The following TRAP1 variants were observed in gnomAD, a reference collection of about 807,000 sequenced individuals.
TRAP1 encodes the protein heat shock protein 75 kDa, mitochondrial.
TRAP1 carries 102 observed loss-of-function variants against 89.1 expected under a neutral mutation model. The observed-to-expected ratio is 1.15, with a 90% CI of 0.98 to 1.35. The LOEUF is 1.35. Ranked by LOEUF, TRAP1 falls within the 40% of genes most tolerant of loss-of-function variation. The pLI, the probability that TRAP1 is intolerant of heterozygous loss-of-function variation, is 0.00. For missense variants in TRAP1, 1,256 were observed against 945.3 expected (o/e 1.33, Z -4.31); for synonymous variants, 508 against 388.0 (o/e 1.31, Z -3.64).
intron 3 of TRAP1, among the ~76,000 whole-genome samples, chr16:3,688,106 A>C (rs1015486754): frequency 6.6e-6 from 1 of 152,080 alleles, no homozygotes; most frequent in African/African-American, 2.4e-5. Flanking sequence ...AATAATCAGC[A>C]TGTCAACGAT....
chr16:3,677,688 G>A (rs777738373), intron 5 of TRAP1, 30 bp from the exon 6 acceptor site: 2 of 1,605,198 alleles, frequency 1.2e-6, no homozygotes, highest in South Asian at 2.2e-5. Context: ...TAGTGAGGCA[G>A]CCTCCCCTCC....
At chr16:3,663,375 T>G (rs1225755297) in intron 14 of TRAP1, 49 bp downstream of exon 14, 1 of 1,610,922 alleles carries the variant, frequency 6.2e-7, no homozygotes, top group Non-Finnish European at 8.5e-7. Context: ...AGGAGAGGCG[T>G]GCGGGGAGTG....
rs767156372 is a variant in TRAP1 at position 3,674,399 on chromosome 16, G to A, written c.984C>T (p.Thr328=). 19 of 1,614,008 alleles carry A rather than the reference G, an allele frequency of 1.2e-5. No individual in the cohort carries two copies. In the South Asian group the frequency reaches 2.0e-4, roughly 17 times the overall value. ...VAQAHDKPRY[T]LHYKTDAPLN... is the part of the protein sequence containing the mutation. ...GCGGTGCGTCCGTCTTATAGTGCAG[G>A]GTGTAGCGGGGCTTGTCGTGAGCCT... is the stretch of plus-strand genomic sequence containing the variant. Residue 328 remains threonine, a synonymous_variant, in exon 9 of 18, where the codon ACC becomes ACT. Coordinates refer to ENST00000246957, the MANE Select transcript of TRAP1 (RefSeq NM_016292.3).
intron 11 of TRAP1, among the ~76,000 whole-genome samples, chr16:3,667,065 G>A (rs1370486840): frequency 6.6e-6 from 1 of 152,172 alleles, no homozygotes. Context: ...GACAGGACAT[G>A]CCTTCGTGCC....
chr16:3,691,687 G>T (rs1002660840), intron 1 of TRAP1, among the ~76,000 whole-genome samples: 3 of 151,936 alleles, frequency 2.0e-5, no homozygotes, highest in African/African-American at 4.8e-5. Context: ...CCTCCCAAAA[G>T]GGATCCAAAT....
chr16:3,710,877 A>ATTTTTTT lies in TRAP1; in HGVS notation c.88+6543_88+6544insAAAAAAA, dbSNP rs1461150566. 3.3e-3 allele frequency among the ~76,000 whole-genome samples: 311 copies of ATTTTTTT among 93,562 alleles called. 2 individuals are homozygous for ATTTTTTT. Among genetic ancestry groups the ATTTTTTT allele is most frequent in the African/African-American group, 0.013 (289 of 22,200 alleles). 61.4% of individuals were successfully genotyped at this position (93,562 alleles called of 152,430 possible). On this transcript the variant is annotated intron_variant, in intron 1 of 17. Coordinates refer to ENST00000246957, the MANE Select transcript of TRAP1 (RefSeq NM_016292.3). Reference sequence around the variant, plus strand: ...TGTGTGTATATATATATATATATATATATTTTTTTTTTTGAGACACTGTCA... The same window carrying ATTTTTTT: ...TGTGTGTATATATATATATATATATATTTTTTTTATTTTTTTTTTTGAGACACTGTCA...
At chr16:3,691,166 GC>G (rs1200505778) in intron 1 of TRAP1, 181 bp from the exon 2 acceptor site, 6 of 495,388 alleles carry the variant, frequency 1.2e-5, no homozygotes, top group Non-Finnish European at 2.0e-5. Flanking sequence ...TTGGCAAGGA[GC>G]CCTCACAGAT....
At chr16:3,679,416 G>C (rs574209089) in intron 5 of TRAP1, among the ~76,000 whole-genome samples, 14 of 152,250 alleles carry the variant, frequency 9.2e-5, no homozygotes, top group African/African-American at 3.1e-4. Context: ...AACTAACCTA[G>C]AGACCATCTA....
At chr16:3,699,130 A>AC (rs2051330709) in intron 1 of TRAP1, among the ~76,000 whole-genome samples, 2 of 149,796 alleles carry the variant, frequency 1.3e-5, no homozygotes, top group Non-Finnish European at 1.5e-5. Flanking sequence ...CTCCCCTTCC[A>AC]CCCCCCACAT....
chr16:3,710,885 T>A (rs1430571186), intron 1 of TRAP1, among the ~76,000 whole-genome samples: 7 of 142,842 alleles, frequency 4.9e-5, no homozygotes, highest in Non-Finnish European at 1.1e-4. Context: ...ATATATTTTT[T>A]TTTTTGAGAC....
At chr16:3,673,337 C>T (rs2050941269) in intron 9 of TRAP1, among the ~76,000 whole-genome samples, 1 of 152,250 alleles carries the variant, frequency 6.6e-6, no homozygotes, top group South Asian at 2.1e-4. Context: ...GCTGCTTCCT[C>T]ACCCGGCAGG....
At chr16:3,697,317 TCTA>T (rs558912735) in intron 1 of TRAP1, among the ~76,000 whole-genome samples, 316 of 152,286 alleles carry the variant, frequency 2.1e-3, no homozygotes, top group African/African-American at 6.3e-3. Context: ...TGATAATTTT[TCTA>T]CTACATTTTA....
intron 1 of TRAP1, among the ~76,000 whole-genome samples, chr16:3,702,090 C>T (rs1369830566): frequency 6.6e-6 from 1 of 152,022 alleles, no homozygotes; most frequent in African/African-American, 2.4e-5. Context: ...CACCTGTAAT[C>T]CCAGCCTGGG....
chr16:3,685,898 G>T, intron 4 of TRAP1, 98 bp downstream of exon 4: 2 of 1,401,540 alleles, frequency 1.4e-6, no homozygotes, highest in Non-Finnish European at 2.0e-6. Flanking sequence ...GGTACGGACG[G>T]CCAGTACGTC....
At chr16:3,706,969 C>G (rs925743666) in intron 1 of TRAP1, among the ~76,000 whole-genome samples, 1 of 152,166 alleles carries the variant, frequency 6.6e-6, no homozygotes, top group South Asian at 2.1e-4. Context: ...AGAGGTCGCA[C>G]CGTTTTACAT....
intron 1 of TRAP1, among the ~76,000 whole-genome samples, chr16:3,695,527 C>G (rs966668368): frequency 7.1e-6 from 1 of 140,934 alleles, no homozygotes; most frequent in South Asian, 2.2e-4. Flanking sequence ...CAGAGTGAGA[C>G]TCTGTCTCGA....
intron 1 of TRAP1, among the ~76,000 whole-genome samples, chr16:3,703,043 G>C (rs1442361696): frequency 2.3e-5 from 1 of 43,500 alleles, no homozygotes; most frequent in Non-Finnish European, 4.3e-5. Flanking sequence ...ACTCCGTCTT[G>C]AAAAAAAAAA....
chr16:3,703,050 A>G (rs1172497885), intron 1 of TRAP1, among the ~76,000 whole-genome samples: 5 of 147,416 alleles, frequency 3.4e-5, no homozygotes, highest in South Asian at 2.1e-4. Flanking sequence ...CTTGAAAAAA[A>G]AAAAAAAAAA....
chr16:3,673,415 G>A (rs1263078204), intron 9 of TRAP1, among the ~76,000 whole-genome samples: 1 of 152,158 alleles, frequency 6.6e-6, no homozygotes, highest in East Asian at 1.9e-4. Flanking sequence ...CTCGTGGAAC[G>A]TGCCTGCCAA....
Sources: allele counts gnomAD v4.1 joint callset (sites outside exome capture counted in the v4.1 genomes callset), GRCh38; gene constraint gnomAD v4.1.1; transcripts MANE v1.5; gene names NCBI Gene and HGNC (gene_info 2026-07-23, HGNC 2026-07-21).